Variants in NR3C1 observed in about 807,000 individuals in gnomAD.
NR3C1 encodes glucocorticoid receptor.
NR3C1 carries 14 observed loss-of-function variants against 74.0 expected under a neutral mutation model. The observed-to-expected ratio is 0.19, with a 90% CI of 0.12 to 0.30. The LOEUF (loss-of-function observed/expected upper bound fraction) is 0.30, where lower values mean the gene tolerates loss of function less well. Ranked by LOEUF, NR3C1 falls within the 10% of genes least tolerant of loss-of-function variation. NR3C1 has a pLI of 1.00. For synonymous variants in NR3C1, 308 were observed against 332.5 expected (o/e 0.93, Z 0.80); for missense variants, 695 against 909.8 (o/e 0.76, Z 3.04).
chr5:143,420,167 G>A (rs1311035143), intron 1 of NR3C1, among the ~76,000 whole-genome samples: 1 of 152,078 alleles, frequency 6.6e-6, no homozygotes, highest in African/African-American at 2.4e-5. Context: ...ATTTCATATT[G>A]TTCAAACACA....
rs75729474 is a variant in NR3C1 at position 143,308,914 on chromosome 5, G to T, written c.1468+1183C>A. ...AATAAATACTAAGCATATGTGTTATGAGATCACCACTACCTTCACAGAACT... is the reference window on the plus strand; with the variant it reads ...AATAAATACTAAGCATATGTGTTATTAGATCACCACTACCTTCACAGAACT... On this transcript the variant is annotated intron_variant, in intron 4 of 8. Coordinates refer to ENST00000394464, the MANE Select transcript of NR3C1 (RefSeq NM_000176.3). Among the ~76,000 whole-genome samples, 153 of 152,254 alleles carry T rather than the reference G, an allele frequency of 1.0e-3. 3 individuals carry two copies. The East Asian group carries it at 0.022, about 22-fold the overall frequency.
At chr5:143,361,174 A>G (rs923521278) in intron 2 of NR3C1, among the ~76,000 whole-genome samples, 11 of 152,220 alleles carry the variant, frequency 7.2e-5, no homozygotes, top group African/African-American at 2.2e-4. Flanking sequence ...CTTATTCAGT[A>G]TAAGTAGGAA....
At chr5:143,313,829 T>C (rs1276491432) in intron 3 of NR3C1, among the ~76,000 whole-genome samples, 173 bp downstream of exon 3, 1 of 152,222 alleles carries the variant, frequency 6.6e-6, no homozygotes, top group African/African-American at 2.4e-5. Flanking sequence ...TCTTTTTGTA[T>C]TGTTGTTTTA....
chr5:143,295,703 G>T, intron 6 of NR3C1, 113 bp from the exon 7 acceptor site: 1 of 824,754 alleles, frequency 1.2e-6, no homozygotes, highest in Non-Finnish European at 2.1e-6. Context: ...AACAACTACT[G>T]CAATAATATT....
intron 1 of NR3C1, among the ~76,000 whole-genome samples, chr5:143,424,432 T>C (rs1452298969): frequency 1.3e-5 from 2 of 152,164 alleles, no homozygotes; most frequent in African/African-American, 2.4e-5. Context: ...GTTACCCTGA[T>C]TTGATCATTA....
At chr5:143,329,030 AC>A (rs1825288242) in intron 2 of NR3C1, among the ~76,000 whole-genome samples, 1 of 151,942 alleles carries the variant, frequency 6.6e-6, no homozygotes, top group African/African-American at 2.4e-5. Context: ...GCAGTACCCA[AC>A]CCTGCCAGTA....
In NR3C1 at chr5:143,319,405, G is replaced by GA. The variant is rs201532781; in HGVS notation, c.1185-5238dup. 4.3e-3 allele frequency among the ~76,000 whole-genome samples: 649 copies of GA among 151,646 alleles called. 3 individuals are homozygous for GA. Among genetic ancestry groups the GA allele is most frequent in the Middle Eastern group, 0.027 (8 of 292 alleles). On this transcript the variant is annotated intron_variant, in intron 2 of 8. Transcript: ENST00000394464. ...TGTAATGCAAGAAATCTATTTGGGA[G>GA]AAAAAAAACAAAGATATTATCACCT...
At chr5:143,414,437 C>A (rs1841414272) in intron 1 of NR3C1, among the ~76,000 whole-genome samples, 1 of 152,204 alleles carries the variant, frequency 6.6e-6, no homozygotes, top group South Asian at 2.1e-4. Flanking sequence ...TCTGTGAATA[C>A]TTGCTGATTA....
chr5:143,385,946 A>G (rs1837127524), intron 2 of NR3C1, among the ~76,000 whole-genome samples: 1 of 152,178 alleles, frequency 6.6e-6, no homozygotes, highest in African/African-American at 2.4e-5. Flanking sequence ...CCATTTTCAC[A>G]GTGCTATAAA....
Position 143,284,480 on chromosome 5 carries a change from C to T in NR3C1, c.2024-1755G>A, listed in dbSNP as rs571173462. Among the ~76,000 whole-genome samples the T allele has an allele frequency of 3.9e-5, 6 of 152,220 alleles. No homozygotes were observed. The South Asian group carries it at 1.0e-3, about 26-fold the overall frequency. On this transcript the variant is annotated intron_variant, in intron 7 of 8. Transcript: ENST00000394464. ...TGGGTTAATTTTACACATTACTATA[C>T]TACAGAAAATCTAATTATTGCAAAA... is the stretch of plus-strand genomic sequence containing the variant.
At chr5:143,431,774 C>G (rs867545576) in intron 1 of NR3C1, among the ~76,000 whole-genome samples, 46 of 152,182 alleles carry the variant, frequency 3.0e-4, no homozygotes, top group Admixed American at 7.9e-4. Flanking sequence ...CCTAGGGGCA[C>G]TTTTGTAGCC....
chr5:143,359,062 T>C (rs139043692), intron 2 of NR3C1, among the ~76,000 whole-genome samples: 3 of 152,156 alleles, frequency 2.0e-5, no homozygotes, highest in African/African-American at 4.8e-5. Flanking sequence ...ATAAAACCAA[T>C]ACAACTGAAA....
intron 1 of NR3C1, among the ~76,000 whole-genome samples, chr5:143,434,199 T>C (rs1752009484): frequency 6.6e-6 from 1 of 152,222 alleles, no homozygotes; most frequent in African/African-American, 2.4e-5. Context: ...ACACATTATA[T>C]ATATTTTAAA....
intron 2 of NR3C1, among the ~76,000 whole-genome samples, chr5:143,387,475 C>A (rs1007199680): frequency 5.9e-5 from 9 of 152,108 alleles, no homozygotes; most frequent in African/African-American, 2.2e-4. Context: ...CTACCCTCTC[C>A]CTGCCACATT....
At chr5:143,398,225 A>T (rs925589406) in intron 2 of NR3C1, among the ~76,000 whole-genome samples, 1 of 151,974 alleles carries the variant, frequency 6.6e-6, no homozygotes, top group Non-Finnish European at 1.5e-5. Flanking sequence ...AAGATCTCAA[A>T]TCTCCTTACT....
chr5:143,324,630 C>G (rs1440712794), intron 2 of NR3C1, among the ~76,000 whole-genome samples: 1 of 152,240 alleles, frequency 6.6e-6, no homozygotes, highest in Non-Finnish European at 1.5e-5. Context: ...GCTACTTATG[C>G]AAATATCTGC....
At chr5:143,434,719 G>T in exon 1 of NR3C1, 1 of 985,410 alleles carries the variant, frequency 1.0e-6, no homozygotes, top group Non-Finnish European at 1.2e-6. Flanking sequence ...AATATCTGTG[G>T]CACACAAACT....
chr5:143,360,885 G>C (rs1301709137), intron 2 of NR3C1, among the ~76,000 whole-genome samples: 1 of 152,114 alleles, frequency 6.6e-6, no homozygotes, highest in African/African-American at 2.4e-5. Flanking sequence ...TAAACTGATA[G>C]CTACACTGCA....
At chr5:143,402,737 C>T (rs1203731639) in intron 1 of NR3C1, 2 of 985,298 alleles carry the variant, frequency 2.0e-6, no homozygotes, top group Admixed American at 6.1e-5. Context: ...AGCCAGGCGC[C>T]GCCGGGGCCT....
Sources: allele counts gnomAD v4.1 joint callset (sites outside exome capture counted in the v4.1 genomes callset), GRCh38; gene constraint gnomAD v4.1.1; transcripts MANE v1.5; gene names NCBI Gene and HGNC (gene_info 2026-07-23, HGNC 2026-07-21).